The following GCSAML variants were observed in gnomAD, a reference collection of about 807,000 sequenced individuals.
GCSAML encodes germinal center-associated signaling and motility-like protein.
Under a neutral mutation model 13.0 loss-of-function variants are expected in GCSAML, and 9 were observed. That is an observed-to-expected ratio of 0.69 (90% CI 0.42 to 1.21). The LOEUF (loss-of-function observed/expected upper bound fraction) is 1.21. Ranked by LOEUF, GCSAML falls within the 50% of genes most tolerant of loss-of-function variation. The pLI, the probability that GCSAML is intolerant of heterozygous loss-of-function variation, is 0.00. For synonymous variants in GCSAML, 37 were observed against 52.9 expected, an observed-to-expected ratio of 0.70 and a Z score of 1.31; for missense variants, 143 against 153.4, an observed-to-expected ratio of 0.93 and a Z score of 0.36.
intron 2 of GCSAML, chr1:247,531,893 A>C: frequency 6.2e-7 from 1 of 1,614,200 alleles, no homozygotes. Flanking sequence ...AGGACAACAA[A>C]GACAAAGCTG....
Position 247,565,912 on chromosome 1 carries a change from T to G in GCSAML, c.140-19T>G. The G allele has an allele frequency of 6.4e-7, 1 of 1,554,208 alleles. No individual in the cohort carries two copies. The highest frequency in any genetic ancestry group is 8.7e-7 in the Non-Finnish European group (1 of 1,153,734). On this transcript the variant is annotated intron_variant, in intron 3 of 4. Transcript: ENST00000366488. ...AGTGCTTTCCTTTCTTTCTTTTTTTTTTTTTTTTAATTCTCCAGGCCAAGA... is the reference window on the plus strand; with the variant it reads ...AGTGCTTTCCTTTCTTTCTTTTTTTGTTTTTTTTAATTCTCCAGGCCAAGA...
intron 1 of GCSAML, among the ~76,000 whole-genome samples, chr1:247,513,868 T>A (rs1666125663): frequency 6.6e-6 from 1 of 152,172 alleles, no homozygotes; most frequent in South Asian, 2.1e-4. Context: ...CCCAGTGAGA[T>A]GAGCTGGGTA....
intron 4 of GCSAML, among the ~76,000 whole-genome samples, chr1:247,573,408 T>G (rs560011352): frequency 2.6e-5 from 4 of 152,240 alleles, no homozygotes; most frequent in African/African-American, 9.6e-5. Flanking sequence ...TCCCTCAAGG[T>G]ATGGTCCTTC....
chr1:247,552,331 T>C (rs1257410332), intron 1 of GCSAML, among the ~76,000 whole-genome samples: 3 of 152,154 alleles, frequency 2.0e-5, no homozygotes, highest in Non-Finnish European at 4.4e-5. Flanking sequence ...GTGTCAGTCA[T>C]TGGGATCACA....
At chr1:247,567,890 C>G (rs1668449444) in intron 4 of GCSAML, among the ~76,000 whole-genome samples, 2 of 152,174 alleles carry the variant, frequency 1.3e-5, no homozygotes, top group Non-Finnish European at 1.5e-5. Context: ...GAGATGGTAT[C>G]TCATTGTGGT....
chr1:247,566,042 T>C, intron 4 of GCSAML, 83 bp downstream of exon 4: 1 of 921,580 alleles, frequency 1.1e-6, no homozygotes, highest in East Asian at 2.8e-5. Context: ...ATACAGATGA[T>C]TTATTCAAGA....
At chr1:247,548,475 C>A (rs1435780434), upstream of GCSAML, among the ~76,000 whole-genome samples, 1 of 152,096 alleles carries the variant, frequency 6.6e-6, no homozygotes, top group African/African-American at 2.4e-5. The surrounding 1 kb of genome is among the most constrained non-coding windows in gnomAD (Gnocchi z 5.3). Flanking sequence ...ATTTTGATAA[C>A]CTTCTATTCT....
At chr1:247,511,208 T>C (rs1666024859) in intron 1 of GCSAML, among the ~76,000 whole-genome samples, 1 of 152,210 alleles carries the variant, frequency 6.6e-6, no homozygotes, top group Admixed American at 6.5e-5. Context: ...GCTCCTATAT[T>C]GGGTGCATAT....
At chr1:247,515,219 A>T (rs1393791323) in intron 1 of GCSAML, among the ~76,000 whole-genome samples, 1 of 152,246 alleles carries the variant, frequency 6.6e-6, no homozygotes, top group African/African-American at 2.4e-5. Flanking sequence ...TAGACAAGGC[A>T]GCCAGATAAT....
chr1:247,563,140 A>ACG (rs1436411842), intron 2 of GCSAML, among the ~76,000 whole-genome samples: 8 of 151,516 alleles, frequency 5.3e-5, no homozygotes, highest in African/African-American at 1.2e-4. Flanking sequence ...AAGCCATCCC[A>ACG]CCCGGCCACC....
rs1392417105 is a variant in GCSAML, at chr1:247,577,298, T to C, written c.*2916T>C. On this transcript the variant is annotated 3_prime_UTR_variant, in exon 5 of 5. Coordinates refer to ENST00000366488, the MANE Select transcript of GCSAML (RefSeq NM_145278.5). ...GTAGAGTTATAAGAATTTTGTCAAATGTATTCACCCATGTAGTCACCTCCT... is the reference window on the plus strand; with the variant it reads ...GTAGAGTTATAAGAATTTTGTCAAACGTATTCACCCATGTAGTCACCTCCT... 1 of 152,182 alleles carries C rather than the reference T, an allele frequency of 6.6e-6. No homozygotes were observed. Among genetic ancestry groups the C allele is most frequent in the Admixed American group, 6.5e-5 (1 of 15,272 alleles). The allele number at this position is 152,182 out of a possible 1,614,324, so 9.4% of individuals were successfully genotyped here. A position where few individuals can be genotyped will look rare whatever the true frequency, so the allele number is the denominator to read the frequency against.
rs965195212 is a variant in GCSAML, at chr1:247,575,721, T to A, written c.*1339T>A. On this transcript the variant is annotated 3_prime_UTR_variant, in exon 5 of 5. Coordinates refer to ENST00000366488, the MANE Select transcript of GCSAML (RefSeq NM_145278.5). ...ATTCTGTTCAAATATTAGTAAAAAT[T>A]GAAAATAAACTTGTGCTTATATTTT... The A allele has an allele frequency of 2.0e-5, 3 of 152,220 alleles. No homozygotes were observed. The highest frequency in any genetic ancestry group is 7.2e-5 in the African/African-American group (3 of 41,462). The allele number at this position is 152,220 out of a possible 1,614,324, so 9.4% of individuals were successfully genotyped here. A position where few individuals can be genotyped will look rare whatever the true frequency, so the allele number is the denominator to read the frequency against.
chr1:247,540,756 G>A (rs982186834), intron 2 of GCSAML, among the ~76,000 whole-genome samples: 6 of 152,166 alleles, frequency 3.9e-5, no homozygotes, highest in Non-Finnish European at 7.3e-5. Flanking sequence ...CGCGTCAGAA[G>A]GATTAGAAAG....
upstream of GCSAML, chr1:247,507,117 A>G (rs556292183): frequency 7.9e-5 from 12 of 152,350 alleles, no homozygotes; most frequent in Middle Eastern, 3.4e-3. Flanking sequence ...CTGTTTCTAC[A>G]AGAGACAATG....
chr1:247,532,395 C>G, intron 2 of GCSAML: 1 of 1,614,072 alleles, frequency 6.2e-7, no homozygotes, highest in Non-Finnish European at 8.5e-7. Flanking sequence ...TGCCCAAGAT[C>G]GATACCATGT....
At chr1:247,507,731 T>A (rs1665879456) in intron 1 of GCSAML, among the ~76,000 whole-genome samples, 1 of 152,120 alleles carries the variant, frequency 6.6e-6, no homozygotes, top group South Asian at 2.1e-4. Flanking sequence ...GTCCATGTGT[T>A]CTCAACGTTC....
At chr1:247,555,183 C>T (rs950142814) in intron 1 of GCSAML, among the ~76,000 whole-genome samples, 2 of 152,096 alleles carry the variant, frequency 1.3e-5, no homozygotes, top group African/African-American at 4.8e-5. Context: ...CTTTAAAATA[C>T]AAACATCCTT....
intron 1 of GCSAML, among the ~76,000 whole-genome samples, chr1:247,522,083 G>T (rs1192172014): frequency 2.0e-5 from 3 of 151,628 alleles, no homozygotes; most frequent in African/African-American, 7.3e-5. Flanking sequence ...CATCTGAGAA[G>T]TGAGGAGCCC....
intron 1 of GCSAML, among the ~76,000 whole-genome samples, chr1:247,515,784 T>C (rs1438861283): frequency 6.6e-6 from 1 of 152,176 alleles, no homozygotes; most frequent in Non-Finnish European, 1.5e-5. Context: ...TCTGCCCTCA[T>C]GATCCAGTCA....
Sources: allele counts gnomAD v4.1 joint callset (sites outside exome capture counted in the v4.1 genomes callset), GRCh38; gene constraint gnomAD v4.1.1; non-coding constraint Gnocchi (gnomAD v3.1); transcripts MANE v1.5; gene names NCBI Gene and HGNC (gene_info 2026-07-23, HGNC 2026-07-21).